The following TMEM120A variants were observed in gnomAD, a reference collection of about 807,000 sequenced individuals.
TMEM120A encodes transmembrane protein 120A.
In TMEM120A, 45 loss-of-function variants were observed where a neutral mutation model predicts 54.3. That is an observed-to-expected ratio of 0.83 (90% CI 0.65 to 1.06). TMEM120A has a LOEUF of 1.06. Ranked by LOEUF, TMEM120A falls within the 50% of genes least tolerant of loss-of-function variation. The pLI is 0.00. For synonymous variants in TMEM120A, 204 were observed against 178.5 expected (o/e 1.14, Z -1.14); for missense variants, 424 against 441.7 (o/e 0.96, Z 0.36).
At chr7:75,989,291 G>T in intron 3 of TMEM120A, 67 bp from the exon 4 acceptor site, 2 of 1,079,902 alleles carry the variant, frequency 1.9e-6, no homozygotes, top group Non-Finnish European at 2.8e-6. Flanking sequence ...ACTCAGCCAA[G>T]CCTGCCAGGC....
intron 3 of TMEM120A, 105 bp downstream of exon 3, chr7:75,992,039 A>C: frequency 1.7e-5 from 13 of 754,926 alleles, no homozygotes; most frequent in Non-Finnish European, 2.6e-5. Flanking sequence ...CTCAGCCTGT[A>C]CTGGGCCCAG....
chr7:75,991,663 A>G (rs553153802), intron 3 of TMEM120A, among the ~76,000 whole-genome samples: 88 of 152,176 alleles, frequency 5.8e-4, no homozygotes, highest in African/African-American at 2.0e-3. Context: ...GGCTTCCCAA[A>G]AAAGTGCTGG....
Position 75,993,595 on chromosome 7 carries a change from A to T in TMEM120A, c.81+895T>A, listed in dbSNP as rs567032031. ...CAGGGGCCTTGGCAGGGCCAGGGGC[A>T]GCTGGGTTTCAATGCCCACAGGAAG... On this transcript the variant is annotated intron_variant, in intron 1 of 11. Transcript: ENST00000493111. Among the ~76,000 whole-genome samples, 7 of 152,340 alleles carry T rather than the reference A, an allele frequency of 4.6e-5. No individual in the cohort carries two copies. The East Asian group carries it at 1.4e-3, about 29-fold the overall frequency.
chr7:75,989,295 G>C, intron 3 of TMEM120A, 71 bp from the exon 4 acceptor site: 1 of 1,060,446 alleles, frequency 9.4e-7, no homozygotes, highest in Non-Finnish European at 1.4e-6. Flanking sequence ...AGCCAAGCCT[G>C]CCAGGCCAGA....
At chr7:75,994,228 G>A (rs1314005054) in intron 1 of TMEM120A, among the ~76,000 whole-genome samples, 3 of 152,320 alleles carry the variant, frequency 2.0e-5, no homozygotes, top group East Asian at 1.9e-4. Flanking sequence ...GAAGGGACGG[G>A]GTCGGGGTCT....
chr7:75,994,587 G>T lies in TMEM120A; in HGVS notation c.-17C>A, dbSNP rs781839149. 3 of 1,521,242 alleles carry T rather than the reference G, an allele frequency of 2.0e-6. No homozygotes were observed. In the South Asian group the frequency reaches 3.6e-5, roughly 18 times the overall value. The allele number at this position is 1,521,242 out of a possible 1,614,324, so 94.2% of individuals were successfully genotyped here. On this transcript the variant is annotated 5_prime_UTR_variant, in exon 1 of 12. Transcript: ENST00000493111. ...GGGCTGCATGGCTGCAGCGCCAGTAGCCAGTAGTGGAGGACGGCGCAGCAA... is the reference window on the plus strand; with the variant it reads ...GGGCTGCATGGCTGCAGCGCCAGTATCCAGTAGTGGAGGACGGCGCAGCAA...
At position 75,988,534 on chromosome 7, in the gene TMEM120A, G is replaced by A. The variant is rs782271728; in HGVS notation, c.378-18C>T. On this transcript the variant is annotated intron_variant, in intron 4 of 11. Coordinates refer to ENST00000493111, the MANE Select transcript of TMEM120A (RefSeq NM_031925.3). ...AGGCAAACCTGGGGGGCGCAGGCCG[G>A]TGAGACGGGTGGGGTGCTGGTGGGG... is the stretch of plus-strand genomic sequence containing the variant. The A allele has an allele frequency of 6.3e-6, 10 of 1,582,378 alleles. No homozygotes were observed. The highest frequency in any genetic ancestry group is 8.6e-6 in the Non-Finnish European group (10 of 1,161,792).
In TMEM120A at chr7:75,987,357, C is replaced by T. The variant is rs782611193; in HGVS notation, c.918+3G>A. 26 of 1,560,746 alleles carry T rather than the reference C, an allele frequency of 1.7e-5. No homozygotes were observed. The highest frequency in any genetic ancestry group is 1.9e-5 in the Non-Finnish European group (22 of 1,153,590). ...TCCATCCTGTCCAGGGACCCCGGCT[C>T]ACCTGCCACTCCTTGCACTGAGGGT... On this transcript the variant is annotated splice_donor_region_variant and intron_variant, in intron 11 of 11. Coordinates refer to ENST00000493111, the MANE Select transcript of TMEM120A (RefSeq NM_031925.3).
chr7:75,992,381 A>G, intron 2 of TMEM120A, 58 bp downstream of exon 2: 1 of 1,565,662 alleles, frequency 6.4e-7, no homozygotes. Flanking sequence ...AGGGTCTCAC[A>G]GCGCCAGCCC....
intron 3 of TMEM120A, among the ~76,000 whole-genome samples, chr7:75,991,674 G>A (rs1789848683): frequency 6.6e-6 from 1 of 152,104 alleles, no homozygotes; most frequent in South Asian, 2.1e-4. Context: ...AAAGTGCTGG[G>A]ATTACAGGCA....
intron 10 of TMEM120A, 50 bp from the exon 11 acceptor site, chr7:75,987,478 C>T (rs1789569096): frequency 1.3e-6 from 2 of 1,552,834 alleles, no homozygotes; most frequent in African/African-American, 1.4e-5. Flanking sequence ...CCTGCTGGAG[C>T]CCGAAACCGG....
At chr7:75,989,306 G>C in intron 3 of TMEM120A, 82 bp from the exon 4 acceptor site, 1 of 948,952 alleles carries the variant, frequency 1.1e-6, no homozygotes, top group Non-Finnish European at 1.7e-6. Context: ...CCAGGCCAGA[G>C]CCTGGGCCAC....
intron 1 of TMEM120A, 113 bp downstream of exon 1, chr7:75,994,377 C>A (rs1349169097): frequency 7.5e-6 from 7 of 936,942 alleles, no homozygotes; most frequent in African/African-American, 3.4e-5. Context: ...GACGCCAGGG[C>A]CCCGACCCCT....
intron 1 of TMEM120A, among the ~76,000 whole-genome samples, chr7:75,994,046 C>A (rs961057347): frequency 6.8e-6 from 1 of 147,706 alleles, no homozygotes; most frequent in Non-Finnish European, 1.5e-5. Flanking sequence ...GCCTCGGCGG[C>A]GCGCGGTATC....
At position 75,987,752 on chromosome 7, in the gene TMEM120A, C is replaced by T. The variant is rs781997749; in HGVS notation, c.750G>A (p.Ala250=). The change falls in exon 9 of 12, where the codon GCG becomes GCA. Residue 250 remains alanine (A), a synonymous_variant. Coordinates refer to ENST00000493111, the MANE Select transcript of TMEM120A (RefSeq NM_031925.3). The stretch of plus-strand genomic sequence containing the variant: ...GGTCCATGGTGTGCCGCTCGCCCAG[C>T]GCCCGCAGGCGGTAGAGGCAGCCGC... ...YQSGCLYRLR[A]LGERHTMDLT... The T allele has an allele frequency of 3.3e-5, 53 of 1,612,162 alleles. No individual in the cohort carries two copies. The highest frequency in any genetic ancestry group is 1.6e-4 in the East Asian group (7 of 44,880).
chr7:75,987,859 T>TCCCTGC (rs1554560366), intron 8 of TMEM120A, 49 bp from the exon 9 acceptor site: 5 of 1,600,062 alleles, frequency 3.1e-6, no homozygotes, highest in Non-Finnish European at 3.4e-6. Context: ...CGGGAGGGGT[T>TCCCTGC]CCCTGCCCCT....
intron 1 of TMEM120A, among the ~76,000 whole-genome samples, chr7:75,992,850 T>G (rs189295177): frequency 6.6e-6 from 1 of 152,198 alleles, no homozygotes; most frequent in Non-Finnish European, 1.5e-5. Flanking sequence ...TTGCCCAGGC[T>G]GAAGTGCAAT....
At chr7:75,991,633 G>A (rs1789847662) in intron 3 of TMEM120A, among the ~76,000 whole-genome samples, 1 of 152,086 alleles carries the variant, frequency 6.6e-6, no homozygotes, top group African/African-American at 2.4e-5. Context: ...TTGAACTCCC[G>A]ACCTCAAGCG....
chr7:75,988,488 A>G lies in TMEM120A; in HGVS notation c.406T>C (p.Phe136Leu). 1 of 1,606,698 alleles carries G rather than the reference A, an allele frequency of 6.2e-7. No individual in the cohort carries two copies. Among genetic ancestry groups the G allele is most frequent in the Non-Finnish European group, 8.5e-7 (1 of 1,178,424 alleles). ...KFAYKDEYEK[F>L]KLYLTIILIL... ...AGGATGATGGTGAGGTAGAGCTTGAACTTCTCATACTCGTCCTTGTAGGCA... is the reference window on the plus strand; with the variant it reads ...AGGATGATGGTGAGGTAGAGCTTGAGCTTCTCATACTCGTCCTTGTAGGCA... The change falls in exon 5 of 12, where the codon TTC becomes CTC. Residue 136 changes from phenylalanine (F) to leucine (L), a missense_variant. Physicochemically the swap from Phe to Leu is conservative, Grantham distance 22 (BLOSUM62 0). Transcript: ENST00000493111.
Sources: gnomAD v4.1 joint callset for allele counts (sites outside exome capture counted in the v4.1 genomes callset) on GRCh38, gnomAD v4.1.1 for gene constraint, MANE v1.5 for transcripts, NCBI Gene and HGNC (gene_info 2026-07-23, HGNC 2026-07-21) for gene names.